ARAP2: variants seen among roughly 807,000 people sequenced by gnomAD.
ARAP2 encodes ArfGAP with RhoGAP domain, ankyrin repeat and PH domain 2.
A neutral mutation model predicts 194.5 loss-of-function variants in ARAP2; 148 were observed. The ratio of observed to expected loss-of-function variants is 0.76; its 90% confidence interval spans 0.67 to 0.87. The LOEUF is 0.87. ARAP2 is among the 40% of genes least tolerant of loss of function. ARAP2 has a pLI of 0.00. For synonymous variants in ARAP2, 695 were observed against 683.5 expected, an observed-to-expected ratio of 1.02 and a Z score of -0.26; for missense variants, 2,128 against 1,989.7, an observed-to-expected ratio of 1.07 and a Z score of -1.32.
At chr4:36,097,760 C>A (rs1264952518) in intron 27 of ARAP2, among the ~76,000 whole-genome samples, 2 of 152,042 alleles carry the variant, frequency 1.3e-5, no homozygotes. Context: ...ATCTTTCATT[C>A]CAATCAAATT....
chr4:36,073,211 C>T (rs1727443984), intron 32 of ARAP2, among the ~76,000 whole-genome samples: 1 of 152,050 alleles, frequency 6.6e-6, no homozygotes, highest in Non-Finnish European at 1.5e-5. Context: ...ATGAAAGATG[C>T]CAAATCTTCT....
intron 31 of ARAP2, among the ~76,000 whole-genome samples, chr4:36,075,969 A>C (rs1728163089): frequency 6.6e-6 from 1 of 152,142 alleles, no homozygotes; most frequent in Admixed American, 6.6e-5. Context: ...TTACACTTCA[A>C]AAACCCTGCC....
intron 9 of ARAP2, among the ~76,000 whole-genome samples, chr4:36,174,938 C>T (rs1167180514): frequency 6.6e-6 from 1 of 152,158 alleles, no homozygotes; most frequent in Non-Finnish European, 1.5e-5. Flanking sequence ...TGTTTACTCT[C>T]TCTGGAGTAA....
chr4:36,027,694 C>T (rs1718169021), intron 5 of ARAP2, among the ~76,000 whole-genome samples: 1 of 152,082 alleles, frequency 6.6e-6, no homozygotes. Context: ...TTCATCTCCA[C>T]CATAGTGTGG....
intron 7 of ARAP2, 67 bp from the exon 8 acceptor site, chr4:36,187,638 A>G (rs1434589686): frequency 1.5e-6 from 2 of 1,364,382 alleles, no homozygotes; most frequent in East Asian, 2.6e-5. Context: ...TCAAAAAAGA[A>G]TGGCACAGTA....
At chr4:36,189,012 C>T (rs1366045412) in intron 7 of ARAP2, among the ~76,000 whole-genome samples, 1 of 152,142 alleles carries the variant, frequency 6.6e-6, no homozygotes, top group Non-Finnish European at 1.5e-5. Flanking sequence ...ATTTATCCAT[C>T]AAAATCCTAT....
chr4:36,229,638 G>T lies in ARAP2; in HGVS notation c.-152C>A. On this transcript the variant is annotated 5_prime_UTR_variant, in exon 2 of 33. Coordinates refer to ENST00000303965, the MANE Select transcript of ARAP2 (RefSeq NM_015230.4). ...TTTCTTCACAGTGACTGCTTTACCT[G>T]CTTAAGCCTAGAAAAAAATAAAAAA... The T allele has an allele frequency of 1.9e-6, 1 of 516,322 alleles. No individual in the cohort carries two copies. The highest frequency in any genetic ancestry group is 3.3e-6 in the Non-Finnish European group (1 of 302,088). 32.0% of individuals were successfully genotyped at this position (516,322 alleles called of 1,614,324 possible). A position where few individuals can be genotyped will look rare whatever the true frequency, so the allele number is the denominator to read the frequency against.
At chr4:36,081,365 T>C (rs1729506246) in intron 30 of ARAP2, among the ~76,000 whole-genome samples, 1 of 152,012 alleles carries the variant, frequency 6.6e-6, no homozygotes, top group African/African-American at 2.4e-5. Flanking sequence ...AAGTGAAAAG[T>C]ATGAACAAAG....
intron 5 of ARAP2, among the ~76,000 whole-genome samples, chr4:36,025,946 T>C (rs1317629073): frequency 6.6e-6 from 1 of 152,156 alleles, no homozygotes; most frequent in Non-Finnish European, 1.5e-5. Flanking sequence ...ATTGTATGCA[T>C]CATGTTTTTT....
chr4:36,107,522 T>G lies in ARAP2; in HGVS notation c.4285+43A>C, dbSNP rs1718725136. 6 of 1,565,818 alleles carry G rather than the reference T, an allele frequency of 3.8e-6. No homozygotes were observed. The East Asian group carries it at 1.4e-4, about 36-fold the overall frequency. ...CCATATTAATTACCCTTTAACCACTTGAATTTTCAATCATAGCTGCAATGT... is the reference window on the plus strand; with the variant it reads ...CCATATTAATTACCCTTTAACCACTGGAATTTTCAATCATAGCTGCAATGT... On this transcript the variant is annotated intron_variant, in intron 27 of 32. Coordinates refer to ENST00000303965, the MANE Select transcript of ARAP2 (RefSeq NM_015230.4).
intron 1 of ARAP2, chr4:36,058,172 T>C (rs1303279892): frequency 6.6e-6 from 1 of 152,204 alleles, no homozygotes; most frequent in African/African-American, 2.4e-5. Context: ...AATTGAATTT[T>C]TGTATGCTTA....
chr4:36,064,721 T>C (rs13139479), downstream of ARAP2, among the ~76,000 whole-genome samples: 122,169 of 152,094 alleles, frequency 0.8, 50,146 homozygotes, highest in Middle Eastern at 0.92. Flanking sequence ...CCTGGAGTTC[T>C]GCAGGCTGAA....
At chr4:36,214,207 C>T (rs1299890641) in intron 3 of ARAP2, among the ~76,000 whole-genome samples, 1 of 152,148 alleles carries the variant, frequency 6.6e-6, no homozygotes, top group African/African-American at 2.4e-5. Flanking sequence ...AAACTTCTTA[C>T]ATTAGCATGT....
intron 1 of ARAP2, among the ~76,000 whole-genome samples, chr4:36,231,633 T>C (rs1751481159): frequency 6.6e-6 from 1 of 152,166 alleles, no homozygotes; most frequent in South Asian, 2.1e-4. Context: ...TAAAAAGTCA[T>C]AGTCTTGCTT....
intron 19 of ARAP2, among the ~76,000 whole-genome samples, chr4:36,143,138 G>A (rs922362581): frequency 2.0e-5 from 3 of 151,662 alleles, no homozygotes; most frequent in East Asian, 1.9e-4. Context: ...TGCCTGTCAC[G>A]TATGTATAGT....
At chr4:36,108,489 T>C (rs1467132983) in intron 26 of ARAP2, among the ~76,000 whole-genome samples, 1 of 151,950 alleles carries the variant, frequency 6.6e-6, no homozygotes, top group Admixed American at 6.6e-5. Context: ...GAAGAGTCTA[T>C]ATTTAACTAC....
intron 2 of ARAP2, among the ~76,000 whole-genome samples, chr4:36,226,813 A>G (rs1440379644): frequency 6.6e-6 from 1 of 152,204 alleles, no homozygotes; most frequent in Non-Finnish European, 1.5e-5. Context: ...AAATTAGCAC[A>G]GACTGTTTGA....
chr4:36,093,504 TAAC>T (rs1230324823), intron 27 of ARAP2, among the ~76,000 whole-genome samples: 2 of 152,096 alleles, frequency 1.3e-5, no homozygotes, highest in East Asian at 1.9e-4. Context: ...CACTCTCTAA[TAAC>T]AACACTAAAA....
chr4:36,204,987 CAAAAAAAAAAAAAAAAAAAAAA>C (rs754960122), intron 6 of ARAP2, among the ~76,000 whole-genome samples: 4 of 35,072 alleles, frequency 1.1e-4, no homozygotes, highest in South Asian at 2.5e-3. Flanking sequence ...GACTCCATCT[CAAAAAAAAAAAAAAAAAAAAAA>C]AAAAAAAAAA....
Sources: gnomAD v4.1 joint callset for allele counts (sites outside exome capture counted in the v4.1 genomes callset) on GRCh38, gnomAD v4.1.1 for gene constraint, MANE v1.5 for transcripts, NCBI Gene and HGNC (gene_info 2026-07-23, HGNC 2026-07-21) for gene names.